NFU1: variants seen among roughly 807,000 people sequenced by gnomAD.
NFU1 encodes NFU1 iron-sulfur cluster scaffold, also known as NFU1 iron-sulfur cluster scaffold homolog, mitochondrial.
NFU1 carries 30 observed loss-of-function variants against 32.2 expected under a neutral mutation model. The ratio of observed to expected loss-of-function variants is 0.93; its 90% CI spans 0.70 to 1.26. The LOEUF is 1.26. Ranked by LOEUF, NFU1 falls within the 50% of genes most tolerant of loss-of-function variation. The pLI is 0.00. For missense variants in NFU1, 306 were observed against 306.6 expected (o/e 1.00, Z 0.02); for synonymous variants, 112 against 104.6 (o/e 1.07, Z -0.43).
intron 2 of NFU1, among the ~76,000 whole-genome samples, chr2:69,430,257 G>C (rs749673939): frequency 2.6e-5 from 4 of 151,330 alleles, no homozygotes; most frequent in Non-Finnish European, 4.4e-5. Context: ...CTGCTGCCCA[G>C]GCTGAAGTGC....
intron 2 of NFU1, among the ~76,000 whole-genome samples, chr2:69,429,573 GA>G (rs1331543526): frequency 3.3e-5 from 5 of 151,342 alleles, no homozygotes; most frequent in Admixed American, 6.6e-5. Flanking sequence ...TACACCTGCA[GA>G]AAGCAAAATT....
At chr2:69,423,197 G>A (rs1228325548) in intron 3 of NFU1, among the ~76,000 whole-genome samples, 1 of 69,668 alleles carries the variant, frequency 1.4e-5, no homozygotes, top group East Asian at 2.9e-4. Context: ...GAGATGGGCT[G>A]TGTGTGTGTG....
intron 4 of NFU1, among the ~76,000 whole-genome samples, chr2:69,417,698 G>A (rs1306549695): frequency 6.6e-6 from 1 of 151,954 alleles, no homozygotes; most frequent in East Asian, 1.9e-4. Flanking sequence ...ATACATATAT[G>A]TGTATCAACA....
At chr2:69,401,566 T>C (rs149260870) in intron 6 of NFU1, among the ~76,000 whole-genome samples, 164 of 152,364 alleles carry the variant, frequency 1.1e-3, no homozygotes, top group Middle Eastern at 3.4e-3. Context: ...AGTGCAGTTA[T>C]AAAGATTCTT....
upstream of NFU1, among the ~76,000 whole-genome samples, chr2:69,439,442 C>G (rs117364736): frequency 6.7e-4 from 102 of 152,270 alleles, no homozygotes; most frequent in Non-Finnish European, 1.2e-3. Context: ...AGCTGCAGAC[C>G]TTTGCGATGG....
upstream of NFU1, among the ~76,000 whole-genome samples, chr2:69,438,565 G>GT (rs1673937294): frequency 1.3e-5 from 2 of 152,108 alleles, no homozygotes; most frequent in Non-Finnish European, 2.9e-5. Flanking sequence ...GCCTAGTAGT[G>GT]TTTTAACAAA....
intron 4 of NFU1, among the ~76,000 whole-genome samples, chr2:69,417,539 C>G (rs976589008): frequency 7.3e-5 from 11 of 151,664 alleles, no homozygotes; most frequent in Non-Finnish European, 1.3e-4. Flanking sequence ...GTAGTCCCAG[C>G]TACTCGGGAA....
chr2:69,405,489 C>G (rs1424002872), intron 6 of NFU1, among the ~76,000 whole-genome samples: 1 of 152,174 alleles, frequency 6.6e-6, no homozygotes, highest in Non-Finnish European at 1.5e-5. Flanking sequence ...TCCCTTCTCT[C>G]CAGGATCTTG....
At chr2:69,408,732 TTTTATATATATATATA>T (rs1380030534) in intron 5 of NFU1, among the ~76,000 whole-genome samples, 7 of 70,502 alleles carry the variant, frequency 9.9e-5, no homozygotes, top group Admixed American at 2.0e-4. Flanking sequence ...AAATATAAAA[TTTTATATATATATATA>T]TATATATATA....
intron 5 of NFU1, among the ~76,000 whole-genome samples, chr2:69,408,606 G>A (rs1672774576): frequency 6.6e-6 from 1 of 151,700 alleles, no homozygotes; most frequent in Admixed American, 6.6e-5. Flanking sequence ...TGTAATCCCA[G>A]CTACTCCAGA....
At chr2:69,422,569 TA>T in intron 3 of NFU1, among the ~76,000 whole-genome samples, 1 of 152,168 alleles carries the variant, frequency 6.6e-6, no homozygotes, top group East Asian at 1.9e-4. Context: ...TCAGATTTTT[TA>T]AGATCTGAAA....
intron 2 of NFU1, among the ~76,000 whole-genome samples, chr2:69,430,509 C>T (rs1465906353): frequency 1.3e-5 from 2 of 152,060 alleles, no homozygotes; most frequent in Non-Finnish European, 2.9e-5. Flanking sequence ...GCCACCATGC[C>T]AGCCTATTTT....
chr2:69,439,197 G>A (rs369121434), upstream of NFU1, among the ~76,000 whole-genome samples: 14 of 152,156 alleles, frequency 9.2e-5, no homozygotes, highest in East Asian at 1.9e-3. Flanking sequence ...AGGCTTCTAT[G>A]TCCCACCATT....
At chr2:69,411,750 G>A (rs1018527273) in intron 5 of NFU1, among the ~76,000 whole-genome samples, 3 of 151,958 alleles carry the variant, frequency 2.0e-5, no homozygotes, top group African/African-American at 7.3e-5. Flanking sequence ...GCATCACCAT[G>A]CCCAGCTAAT....
At chr2:69,405,342 T>C (rs1483387527) in intron 6 of NFU1, among the ~76,000 whole-genome samples, 2 of 152,234 alleles carry the variant, frequency 1.3e-5, no homozygotes, top group African/African-American at 4.8e-5. Flanking sequence ...ATTTTAATTT[T>C]TGTCTTCCCA....
intron 3 of NFU1, 150 bp downstream of exon 3, chr2:69,423,432 T>TC (rs1010647387): frequency 3.3e-5 from 23 of 707,380 alleles, no homozygotes; most frequent in Non-Finnish European, 5.3e-5. Flanking sequence ...ATTTTTTTTT[T>TC]AATCTCTCAT....
upstream of NFU1, chr2:69,437,773 C>T (rs1673908748): frequency 2.3e-6 from 1 of 436,180 alleles, no homozygotes. Context: ...TGACCCATTC[C>T]CTCCTCTAGG....
intron 5 of NFU1, among the ~76,000 whole-genome samples, chr2:69,406,572 C>G (rs1672701365): frequency 6.6e-6 from 1 of 152,032 alleles, no homozygotes; most frequent in African/African-American, 2.4e-5. Flanking sequence ...CTGAAATGTT[C>G]TTTTATTTTT....
chr2:69,432,473 C>T (rs1209293397), intron 1 of NFU1, among the ~76,000 whole-genome samples: 1 of 152,056 alleles, frequency 6.6e-6, no homozygotes, highest in South Asian at 2.1e-4. Context: ...ACTCAGGAGG[C>T]TGAGGCAGGA....
Sources: allele counts gnomAD v4.1 joint callset (sites outside exome capture counted in the v4.1 genomes callset), GRCh38; gene constraint gnomAD v4.1.1; transcripts MANE v1.5; gene names NCBI Gene and HGNC (gene_info 2026-07-23, HGNC 2026-07-21).